COG5: variants seen among roughly 807,000 people sequenced by gnomAD.
The protein encoded by COG5 is conserved oligomeric Golgi complex subunit 5.
COG5 carries 86 observed loss-of-function variants against 110.4 expected under a neutral mutation model. The ratio of observed to expected loss-of-function variants is 0.78; its 90% CI spans 0.65 to 0.93. The LOEUF (loss-of-function observed/expected upper bound fraction) is 0.93, where lower values mean the gene tolerates loss of function less well. Among genes scored for constraint, COG5 ranks in the 40% least tolerant of loss-of-function variants. The pLI is 0.00. For synonymous variants in COG5, 360 were observed against 334.6 expected (o/e 1.08, Z -0.83); for missense variants, 1,077 against 987.0 (o/e 1.09, Z -1.22).
intron 7 of COG5, among the ~76,000 whole-genome samples, chr7:107,406,671 C>A (rs1563015012): frequency 1.3e-5 from 2 of 151,982 alleles, no homozygotes; most frequent in African/African-American, 4.8e-5. Context: ...GTAACCATTC[C>A]TTTTTGACAT....
intron 16 of COG5, chr7:107,253,083 A>T (rs558276615): frequency 2.6e-5 from 4 of 152,302 alleles, no homozygotes; most frequent in South Asian, 2.1e-4. Context: ...GATCCTGGAC[A>T]GTGAAACAAG....
chr7:107,214,552 A>G (rs188502774), intron 19 of COG5, among the ~76,000 whole-genome samples: 11 of 152,366 alleles, frequency 7.2e-5, no homozygotes, highest in African/African-American at 2.4e-4. Context: ...ATAGAGTCAT[A>G]CTCAGAAAAA....
At chr7:107,316,235 C>T (rs775089436) in intron 11 of COG5, among the ~76,000 whole-genome samples, 6 of 151,750 alleles carry the variant, frequency 4.0e-5, no homozygotes, top group Non-Finnish European at 7.4e-5. Context: ...AGGTTTATAG[C>T]TGAGGAAAAG....
chr7:107,327,187 A>T (rs1262200957), intron 10 of COG5, among the ~76,000 whole-genome samples: 1 of 152,208 alleles, frequency 6.6e-6, no homozygotes, highest in Admixed American at 6.5e-5. Context: ...AAGGCTACAC[A>T]ATAGGAAAAG....
intron 16 of COG5, among the ~76,000 whole-genome samples, chr7:107,249,787 T>C (rs1431891936): frequency 2.0e-5 from 3 of 151,108 alleles, no homozygotes; most frequent in East Asian, 2.0e-4. Flanking sequence ...CTAGTGAGAA[T>C]AGTTAAAACG....
chr7:107,431,661 G>A (rs990034411), intron 6 of COG5, among the ~76,000 whole-genome samples: 33 of 151,686 alleles, frequency 2.2e-4, no homozygotes, highest in African/African-American at 7.0e-4. Flanking sequence ...TTTTAGACAG[G>A]GTCTCGTTCT....
Position 107,548,266 on chromosome 7 carries a change from T to G in COG5, c.347+12A>C, listed in dbSNP as rs1802610702. ...TTCCCATTCCATTTATTTATAAAAT[T>G]AAGAACAGTACCTATCAACAGCTCC... On this transcript the variant is annotated intron_variant, in intron 4 of 21. Transcript: ENST00000297135. The G allele has an allele frequency of 1.2e-6, 2 of 1,609,000 alleles. No homozygotes were observed. Among genetic ancestry groups the G allele is most frequent in the South Asian group, 2.2e-5 (2 of 90,986 alleles).
intron 6 of COG5, among the ~76,000 whole-genome samples, chr7:107,445,267 G>A (rs1038031083): frequency 4.6e-5 from 7 of 152,030 alleles, no homozygotes; most frequent in African/African-American, 7.2e-5. Context: ...ACTCTTCCTA[G>A]GTCTTTGTTA....
chr7:107,256,708 G>A (rs759421944), intron 16 of COG5, 24 bp downstream of exon 16: 3 of 1,539,188 alleles, frequency 1.9e-6, no homozygotes, highest in South Asian at 1.1e-5. Flanking sequence ...TTGATCTATA[G>A]AGTCAAAGAT....
intron 6 of COG5, among the ~76,000 whole-genome samples, chr7:107,514,773 A>C (rs896350475): frequency 1.3e-5 from 2 of 152,192 alleles, no homozygotes; most frequent in Non-Finnish European, 1.5e-5. Flanking sequence ...TATTCAATAA[A>C]CAATGGCTGA....
At chr7:107,359,976 A>G (rs1287227603) in intron 10 of COG5, among the ~76,000 whole-genome samples, 1 of 150,616 alleles carries the variant, frequency 6.6e-6, no homozygotes, top group African/African-American at 2.4e-5. Flanking sequence ...ACAGGTGGCA[A>G]GATGACCTAC....
At chr7:107,450,985 G>C (rs1168284137) in intron 6 of COG5, among the ~76,000 whole-genome samples, 2 of 152,118 alleles carry the variant, frequency 1.3e-5, no homozygotes, top group African/African-American at 4.8e-5. Context: ...GTGTGATAAG[G>C]ACCTTTAAGG....
rs149640280 is a variant in COG5 at position 107,438,565 on chromosome 7, T to C, written c.539-25933A>G. Among the ~76,000 whole-genome samples, 176 of 152,350 alleles carry C rather than the reference T, an allele frequency of 1.2e-3. 2 individuals are homozygous for C. Among genetic ancestry groups the C allele is most frequent in the Admixed American group, 9.5e-3 (145 of 15,308 alleles). On this transcript the variant is annotated intron_variant, in intron 6 of 21. Coordinates refer to ENST00000297135, the MANE Select transcript of COG5 (RefSeq NM_006348.5). The stretch of plus-strand genomic sequence containing the variant: ...TCTCTTCTTACTCTGTCTTTTGTTA[T>C]AGGACTCTCTCCCAACTACAAACTT...
At chr7:107,211,005 G>C in intron 20 of COG5, 94 bp downstream of exon 20, 1 of 1,417,384 alleles carries the variant, frequency 7.1e-7, no homozygotes, top group Middle Eastern at 1.8e-4. Flanking sequence ...CAAAGCAGCA[G>C]AGGGCCAGGA....
chr7:107,243,232 G>A (rs759009723), intron 17 of COG5, among the ~76,000 whole-genome samples: 5 of 151,980 alleles, frequency 3.3e-5, no homozygotes, highest in African/African-American at 1.2e-4. Context: ...AAGAAGTCTC[G>A]GCCTGGGGCG....
intron 17 of COG5, among the ~76,000 whole-genome samples, chr7:107,246,625 C>G (rs1802080346): frequency 6.6e-6 from 1 of 152,146 alleles, no homozygotes; most frequent in African/African-American, 2.4e-5. Flanking sequence ...AAAAAATGCT[C>G]AACACCACTG....
intron 5 of COG5, among the ~76,000 whole-genome samples, chr7:107,539,532 G>A (rs1284018043): frequency 6.6e-6 from 1 of 152,208 alleles, no homozygotes; most frequent in Non-Finnish European, 1.5e-5. Flanking sequence ...TTAGTTGAGA[G>A]CTTGGCGTAG....
At chr7:107,296,207 T>C (rs1806734281) in intron 12 of COG5, among the ~76,000 whole-genome samples, 1 of 151,738 alleles carries the variant, frequency 6.6e-6, no homozygotes, top group Non-Finnish European at 1.5e-5. Context: ...TTCTTTTTCT[T>C]TCTTTCACAC....
At chr7:107,212,210 G>C (rs1011056761) in intron 19 of COG5, among the ~76,000 whole-genome samples, 1 of 152,120 alleles carries the variant, frequency 6.6e-6, no homozygotes, top group Non-Finnish European at 1.5e-5. Context: ...TATTCTACAA[G>C]TAAAAATCTA....
Sources: allele counts gnomAD v4.1 joint callset (sites outside exome capture counted in the v4.1 genomes callset), GRCh38; gene constraint gnomAD v4.1.1; transcripts MANE v1.5; gene names NCBI Gene and HGNC (gene_info 2026-07-23, HGNC 2026-07-21).